PALLD: variants seen among roughly 807,000 people sequenced by gnomAD.
PALLD encodes palladin.
PALLD carries 61 observed loss-of-function variants against 123.5 expected under a neutral mutation model. That is an observed-to-expected ratio of 0.49 (90% CI 0.40 to 0.61). PALLD has a LOEUF of 0.61. Ranked by LOEUF, PALLD falls within the 20% of genes least tolerant of loss-of-function variation. PALLD has a pLI of 0.00. For synonymous variants in PALLD, 465 were observed against 496.4 expected (o/e 0.94, Z 0.84); for missense variants, 1,273 against 1,377.0 (o/e 0.92, Z 1.20).
At chr4:168,735,578 A>C (rs1787666824) in intron 10 of PALLD, among the ~76,000 whole-genome samples, 1 of 152,142 alleles carries the variant, frequency 6.6e-6, no homozygotes, top group South Asian at 2.1e-4. Context: ...GATGGCAAAA[A>C]CCCATTCATA....
intron 2 of PALLD, among the ~76,000 whole-genome samples, chr4:168,529,925 G>A (rs576793463): frequency 6.6e-5 from 10 of 152,212 alleles, no homozygotes; most frequent in African/African-American, 1.4e-4. Flanking sequence ...CCCAGCCCCC[G>A]TACAATATGT....
chr4:168,780,877 G>A lies in PALLD; in HGVS notation c.1964+68954G>A, dbSNP rs935564044. On this transcript the variant is annotated intron_variant, in intron 10 of 21. Transcript: ENST00000505667. ...TAATTTTTGTAATTTTAGTAGAGAC[G>A]GGGTTTCGCTATGTTGGCCAGGCTG... Among the ~76,000 whole-genome samples, 6 of 152,056 alleles carry A rather than the reference G, an allele frequency of 3.9e-5. No homozygotes were observed. The East Asian group carries it at 1.2e-3, about 29-fold the overall frequency.
At chr4:168,606,050 T>C (rs897583350) in intron 2 of PALLD, among the ~76,000 whole-genome samples, 4 of 152,250 alleles carry the variant, frequency 2.6e-5, no homozygotes, top group African/African-American at 4.8e-5. Flanking sequence ...TATTAACTTA[T>C]ATTCCTATAA....
intron 3 of PALLD, among the ~76,000 whole-genome samples, chr4:168,675,844 C>T (rs886620542): frequency 2.6e-5 from 4 of 152,042 alleles, no homozygotes; most frequent in Non-Finnish European, 5.9e-5. Flanking sequence ...TCACTTAGTC[C>T]AGAAGTTCAA....
intron 3 of PALLD, among the ~76,000 whole-genome samples, chr4:168,680,137 A>G (rs1221091970): frequency 1.3e-5 from 2 of 152,164 alleles, no homozygotes. Context: ...ATGTGAATCC[A>G]TTTGTATAAA....
chr4:168,792,459 C>T (rs1737668230), intron 10 of PALLD, among the ~76,000 whole-genome samples: 2 of 152,092 alleles, frequency 1.3e-5, no homozygotes, highest in African/African-American at 4.8e-5. Flanking sequence ...CTCTGAGTCT[C>T]TCTATGACTC....
intron 2 of PALLD, among the ~76,000 whole-genome samples, chr4:168,592,266 C>T (rs528320566): frequency 2.6e-5 from 4 of 152,100 alleles, no homozygotes; most frequent in South Asian, 2.1e-4. Context: ...CCTCATGATC[C>T]GCCTGCCTCA....
intron 2 of PALLD, among the ~76,000 whole-genome samples, chr4:168,614,018 G>A (rs1303202541): frequency 1.3e-5 from 2 of 152,274 alleles, no homozygotes; most frequent in East Asian, 1.9e-4. Flanking sequence ...ATTCGGTTTC[G>A]ACTGTTCTTT....
chr4:168,572,917 G>T (rs897024056), intron 2 of PALLD, among the ~76,000 whole-genome samples: 7 of 145,590 alleles, frequency 4.8e-5, no homozygotes, highest in Non-Finnish European at 9.1e-5. Flanking sequence ...CAGCACAGGT[G>T]GTTGTCAGCA....
chr4:168,678,998 G>A, intron 3 of PALLD, among the ~76,000 whole-genome samples: 1 of 147,472 alleles, frequency 6.8e-6, no homozygotes, highest in South Asian at 2.2e-4. Flanking sequence ...TGTGCGTGGT[G>A]TGGGTATGTG....
intron 10 of PALLD, among the ~76,000 whole-genome samples, chr4:168,715,794 C>A (rs1020203119): frequency 6.6e-6 from 1 of 152,034 alleles, no homozygotes; most frequent in African/African-American, 2.4e-5. Context: ...TCTAAAGATA[C>A]AAAAAATTAG....
intron 10 of PALLD, among the ~76,000 whole-genome samples, chr4:168,818,886 C>T (rs1159906409): frequency 6.6e-6 from 1 of 152,132 alleles, no homozygotes; most frequent in Non-Finnish European, 1.5e-5. Context: ...TGTAAAATTA[C>T]ACACTATCTG....
intron 2 of PALLD, among the ~76,000 whole-genome samples, chr4:168,525,583 G>A (rs1763968733): frequency 1.3e-5 from 2 of 152,210 alleles, no homozygotes; most frequent in African/African-American, 4.8e-5. Context: ...TTCCAACCTA[G>A]ATGCTAGATA....
intron 2 of PALLD, among the ~76,000 whole-genome samples, chr4:168,643,982 G>T (rs1777198882): frequency 6.6e-6 from 1 of 151,992 alleles, no homozygotes; most frequent in Admixed American, 6.5e-5. Flanking sequence ...CATGCTTCTT[G>T]GATTCCATTC....
At chr4:168,669,828 A>G (rs534919766) in intron 3 of PALLD, among the ~76,000 whole-genome samples, 78 of 151,796 alleles carry the variant, frequency 5.1e-4, no homozygotes, top group African/African-American at 1.8e-3. Context: ...ACACACAATC[A>G]TTTATACTTT....
chr4:168,921,567 C>A lies in PALLD; in HGVS notation c.2884C>A (p.Gln962Lys). 1 of 1,608,286 alleles carries A rather than the reference C, an allele frequency of 6.2e-7. No individual in the cohort carries two copies. Among genetic ancestry groups the A allele is most frequent in the Non-Finnish European group, 8.5e-7 (1 of 1,178,554 alleles). The change falls in exon 18 of 22, where the codon CAA becomes AAA. Residue 962 changes from glutamine (Q) to lysine (K), a missense_variant. Transcript: ENST00000505667. ...SGLPTPDLSWQLDGKPVRPDS... is the reference protein window; with the variant it reads ...SGLPTPDLSWKLDGKPVRPDS... ...GTTACCAACCCCAGATCTAAGCTGG[C>A]AACTAGATGGAAAGCCCGTACGCCC...
In PALLD at chr4:168,511,456, T is replaced by C. The variant is rs766242275; in HGVS notation, c.-49T>C. 1 of 1,413,418 alleles carries C rather than the reference T, an allele frequency of 7.1e-7. No homozygotes were observed. The allele number at this position is 1,413,418 out of a possible 1,614,324, so 87.6% of individuals were successfully genotyped here. Reference sequence around the variant, plus strand: ...TTCAGAAAACAGTTTCCAGTGCCTCTGGCCTTCCTACTGAAAGCAGACACA... The same window carrying C: ...TTCAGAAAACAGTTTCCAGTGCCTCCGGCCTTCCTACTGAAAGCAGACACA... On this transcript the variant is annotated 5_prime_UTR_variant, in exon 2 of 22. Coordinates refer to ENST00000505667, the MANE Select transcript of PALLD (RefSeq NM_001166108.2).
chr4:168,906,297 A>C (rs963656630), intron 15 of PALLD, among the ~76,000 whole-genome samples: 2 of 152,246 alleles, frequency 1.3e-5, no homozygotes, highest in Admixed American at 1.3e-4. Context: ...AAAAGAACAT[A>C]AACGTAAAAC....
chr4:168,765,995 G>T (rs1481524038), intron 10 of PALLD, among the ~76,000 whole-genome samples: 3 of 152,192 alleles, frequency 2.0e-5, no homozygotes, highest in Non-Finnish European at 4.4e-5. Flanking sequence ...GTGGCTTTCT[G>T]CCATGGCTCT....
Sources: gnomAD v4.1 joint callset for allele counts (sites outside exome capture counted in the v4.1 genomes callset) on GRCh38, gnomAD v4.1.1 for gene constraint, MANE v1.5 for transcripts, NCBI Gene and HGNC (gene_info 2026-07-23, HGNC 2026-07-21) for gene names.